TNFSF4: variants seen among roughly 807,000 people sequenced by gnomAD.
TNFSF4 encodes TNF superfamily member 4.
In TNFSF4, 4 loss-of-function variants were observed where a neutral mutation model predicts 7.3. That is an observed-to-expected ratio of 0.55 (90% CI 0.27 to 1.25). The LOEUF is 1.25. TNFSF4 is among the 50% of genes most tolerant of loss of function. The pLI is 0.12. For synonymous variants in TNFSF4, 76 were observed against 83.7 expected (o/e 0.91, Z 0.50); for missense variants, 181 against 208.8 (o/e 0.87, Z 0.82).
At chr1:173,286,161 T>C in the TNFSF4 span, among the ~76,000 whole-genome samples, 1 of 152,146 alleles carries the variant, frequency 6.6e-6, no homozygotes, top group Non-Finnish European at 1.5e-5. Context: ...ATTGTTACAA[T>C]GTCATTTCAC....
the TNFSF4 span, among the ~76,000 whole-genome samples, chr1:173,350,520 T>G: frequency 6.6e-6 from 1 of 152,180 alleles, no homozygotes; most frequent in African/African-American, 2.4e-5. Flanking sequence ...AGCTACTGTA[T>G]TAGATGACTG....
the TNFSF4 span, among the ~76,000 whole-genome samples, chr1:173,416,608 T>TTTATTTATTTATTTATTTA: frequency 8.2e-6 from 1 of 121,942 alleles, no homozygotes; most frequent in Non-Finnish European, 1.7e-5. Flanking sequence ...ATTTTTTTAT[T>TTTATTTATTTATTTATTTA]TTTATTTATT....
At chr1:173,427,597 A>G in the TNFSF4 span, among the ~76,000 whole-genome samples, 3 of 152,224 alleles carry the variant, frequency 2.0e-5, no homozygotes, top group Admixed American at 6.5e-5. Flanking sequence ...GTTTTGACAG[A>G]AAAATGAAAC....
intron 1 of TNFSF4, chr1:173,205,429 G>A: frequency 6.3e-7 from 1 of 1,589,984 alleles, no homozygotes; most frequent in Non-Finnish European, 8.6e-7. Flanking sequence ...AACATCTCCT[G>A]GATATTGATA....
chr1:173,337,583 C>T, the TNFSF4 span, among the ~76,000 whole-genome samples: 1 of 152,178 alleles, frequency 6.6e-6, no homozygotes, highest in African/African-American at 2.4e-5. Flanking sequence ...TGTTCAGGCA[C>T]CACCCAAAAG....
At chr1:173,273,498 T>G in the TNFSF4 span, among the ~76,000 whole-genome samples, 1 of 152,132 alleles carries the variant, frequency 6.6e-6, no homozygotes, top group South Asian at 2.1e-4. Flanking sequence ...TTATAAGAAT[T>G]TAGTATAATA....
At chr1:173,248,771 G>C in the TNFSF4 span, among the ~76,000 whole-genome samples, 1 of 152,254 alleles carries the variant, frequency 6.6e-6, no homozygotes, top group South Asian at 2.1e-4. Context: ...AAAGTATGCT[G>C]AGCATACTCC....
chr1:173,431,496 G>A, the TNFSF4 span, among the ~76,000 whole-genome samples: 2 of 152,216 alleles, frequency 1.3e-5, no homozygotes, highest in Non-Finnish European at 1.5e-5. Flanking sequence ...AGCCACCTCC[G>A]TGAGCCTGCA....
At chr1:173,369,127 G>A in the TNFSF4 span, among the ~76,000 whole-genome samples, 4 of 152,082 alleles carry the variant, frequency 2.6e-5, no homozygotes, top group Non-Finnish European at 5.9e-5. Context: ...AAATTGGGGG[G>A]GATATCATTC....
chr1:173,239,570 T>C, the TNFSF4 span, among the ~76,000 whole-genome samples: 1 of 152,222 alleles, frequency 6.6e-6, no homozygotes, highest in African/African-American at 2.4e-5. Context: ...GCAGATCCTG[T>C]TATCCTCATC....
the TNFSF4 span, among the ~76,000 whole-genome samples, chr1:173,314,425 A>T: frequency 5.9e-5 from 9 of 152,278 alleles, no homozygotes; most frequent in East Asian, 1.4e-3. Context: ...CAAGCAGGCT[A>T]CATATGCTAT....
chr1:173,364,402 T>TATATATATATAC, the TNFSF4 span, among the ~76,000 whole-genome samples: 3 of 147,586 alleles, frequency 2.0e-5, no homozygotes, highest in South Asian at 2.1e-4. Flanking sequence ...TATATATATA[T>TATATATATATAC]ACACACACAC....
chr1:173,353,097 T>G, the TNFSF4 span, among the ~76,000 whole-genome samples: 8 of 152,130 alleles, frequency 5.3e-5, no homozygotes, highest in African/African-American at 1.9e-4. Flanking sequence ...TTCATATTGT[T>G]CAAAAACACA....
chr1:173,388,012 CTCTAAG>C, the TNFSF4 span, among the ~76,000 whole-genome samples: 5 of 152,204 alleles, frequency 3.3e-5, no homozygotes, highest in Admixed American at 6.5e-5. Context: ...TACTGAACTT[CTCTAAG>C]TCTGTTTTCT....
Position 173,184,133 on chromosome 1 carries a change from C to T in TNFSF4, c.*2383G>A, listed in dbSNP as rs1277687632. 6.6e-6 allele frequency: 1 copy of T among 152,226 alleles called. No homozygotes were observed. The highest frequency in any genetic ancestry group is 2.4e-5 in the African/African-American group (1 of 41,468). The allele number at this position is 152,226 out of a possible 1,614,324, so 9.4% of individuals were successfully genotyped here. A position where few individuals can be genotyped will look rare whatever the true frequency, so the allele number is the denominator to read the frequency against. ...AACACTGTAAGCATAAGATTCTAAA[C>T]TGTTAGATATTTAACATTCCTCTCA... is the stretch of plus-strand genomic sequence containing the variant. On this transcript the variant is annotated 3_prime_UTR_variant, in exon 3 of 3. Coordinates refer to ENST00000281834, the MANE Select transcript of TNFSF4 (RefSeq NM_003326.5).
At chr1:173,389,058 T>G in the TNFSF4 span, among the ~76,000 whole-genome samples, 1 of 152,324 alleles carries the variant, frequency 6.6e-6, no homozygotes, top group South Asian at 2.1e-4. Flanking sequence ...GCATTACATA[T>G]TTTTTCTTTT....
chr1:173,367,385 AC>A, the TNFSF4 span, among the ~76,000 whole-genome samples: 1 of 152,200 alleles, frequency 6.6e-6, no homozygotes, highest in Non-Finnish European at 1.5e-5. Context: ...TTTTCTAGAA[AC>A]CATTCCTATG....
intron 1 of TNFSF4, among the ~76,000 whole-genome samples, chr1:173,198,141 T>A (rs979472647): frequency 1.3e-5 from 2 of 152,220 alleles, no homozygotes; most frequent in Non-Finnish European, 2.9e-5. Flanking sequence ...ATTTGCTATA[T>A]AACAAGGAGG....
At chr1:173,297,098 G>C in the TNFSF4 span, among the ~76,000 whole-genome samples, 1 of 151,968 alleles carries the variant, frequency 6.6e-6, no homozygotes, top group Non-Finnish European at 1.5e-5. Context: ...TTGTCCTCAT[G>C]ATGTCTAGTG....
Sources: allele counts gnomAD v4.1 joint callset (sites outside exome capture counted in the v4.1 genomes callset), GRCh38; gene constraint gnomAD v4.1.1; transcripts MANE v1.5; gene names NCBI Gene and HGNC (gene_info 2026-07-23, HGNC 2026-07-21).